Variants in ZNF737 observed in about 807,000 individuals in gnomAD.
The protein encoded by ZNF737 is zinc finger protein 737.
Under a neutral mutation model 11.7 loss-of-function variants are expected in ZNF737, and 13 were observed. The observed-to-expected ratio is 1.11, with a 90% CI of 0.73 to 1.77. The LOEUF is 1.77. Among genes scored for constraint, ZNF737 ranks in the 40% most tolerant of loss-of-function variants. ZNF737 has a pLI of 0.00. For missense variants in ZNF737, 636 were observed against 638.0 expected, an observed-to-expected ratio of 1.00 and a Z score of 0.03; for synonymous variants, 217 against 216.2, an observed-to-expected ratio of 1.00 and a Z score of -0.03.
In ZNF737 at chr19:20,552,530, C is replaced by T. The variant is rs1555758835; in HGVS notation, c.171G>A (p.Glu57=). 5 of 1,594,064 alleles carry T rather than the reference C, an allele frequency of 3.1e-6. No homozygotes were observed. The highest frequency in any genetic ancestry group is 1.7e-4 in the Middle Eastern group (1 of 5,992). The change falls in exon 3 of 4, where the codon GAG becomes GAA. Residue 57 remains glutamate, a synonymous_variant. Transcript: ENST00000427401. The stretch of plus-strand genomic sequence containing the variant: ...TCATGGTCAAAGGTTTTTTTCCTTG[C>T]TCCAGACAGGTGATGAGGTCTGGCT... ...VSKPDLITCL[E]QGKKPLTMKK... is the part of the protein sequence containing the mutation.
In ZNF737 at chr19:20,539,885, CCAGAGGCTGATCATTCACTA is replaced by C. The variant is rs1409478354; in HGVS notation, c.*4687_*4706del. ...GCCTTGTTGGTAGACTATTGGTATC[CCAGAGGCTGATCATTCACTA>C]CAGCTTACTAAATACTGTTCCATAA... On this transcript the variant is annotated 3_prime_UTR_variant, in exon 4 of 4. Coordinates refer to ENST00000427401, the MANE Select transcript of ZNF737 (RefSeq NM_001159293.2). 1.0e-6 allele frequency: 1 copy of C among 984,878 alleles called. No homozygotes were observed. Among genetic ancestry groups the C allele is most frequent in the African/African-American group, 1.8e-5 (1 of 57,098 alleles). 61.0% of individuals were successfully genotyped at this position (984,878 alleles called of 1,614,324 possible). A position where few individuals can be genotyped will look rare whatever the true frequency, so the allele number is the denominator to read the frequency against.
In ZNF737 at chr19:20,542,728, C is replaced by CT. The variant is rs776667838; in HGVS notation, c.*1863dup. On this transcript the variant is annotated 3_prime_UTR_variant, in exon 4 of 4. Coordinates refer to ENST00000427401, the MANE Select transcript of ZNF737 (RefSeq NM_001159293.2). ...CTCCACTTGTATTTTCATTATGCGT[C>CT]TTACATTTTAATGTTCTTACTATTT... 4.1e-5 allele frequency: 40 copies of CT among 984,312 alleles called. No homozygotes were observed. The highest frequency in any genetic ancestry group is 3.7e-4 in the Admixed American group (6 of 16,238). The allele number at this position is 984,312 out of a possible 1,614,324, so 61.0% of individuals were successfully genotyped here.
intron 1 of ZNF737, among the ~76,000 whole-genome samples, chr19:20,555,395 G>A (rs1281990626): frequency 6.6e-6 from 1 of 151,898 alleles, no homozygotes; most frequent in African/African-American, 2.4e-5. Context: ...TGTTAGCCAG[G>A]ATGGTCTCAA....
In ZNF737 at chr19:20,554,736, T is replaced by C. The variant is rs868946129; in HGVS notation, c.4-901A>G. Among the ~76,000 whole-genome samples the C allele has an allele frequency of 7.2e-5, 11 of 152,314 alleles. No homozygotes were observed. In the South Asian group the frequency reaches 2.3e-3, roughly 32 times the overall value. ...AACCTCAAAATACAGATAACTCCTG[T>C]GTTCTGTAATTTTTAGTAGTAATTT... On this transcript the variant is annotated intron_variant, in intron 1 of 3. Transcript: ENST00000427401.
At chr19:20,546,698 A>G (rs920702837) in intron 3 of ZNF737, among the ~76,000 whole-genome samples, 3 of 152,184 alleles carry the variant, frequency 2.0e-5, no homozygotes, top group Non-Finnish European at 2.9e-5. Context: ...TGGGCAACAT[A>G]GTGAGATCCT....
intron 3 of ZNF737, among the ~76,000 whole-genome samples, chr19:20,547,397 A>C (rs1310937155): frequency 6.6e-6 from 1 of 151,412 alleles, no homozygotes; most frequent in South Asian, 2.1e-4. Context: ...AAAAAAAAAA[A>C]AAAACACCAC....
chr19:20,554,389 A>G (rs184360379), intron 1 of ZNF737, among the ~76,000 whole-genome samples: 121 of 152,330 alleles, frequency 7.9e-4, no homozygotes, highest in African/African-American at 2.5e-3. Flanking sequence ...GTAAACAAAG[A>G]TAAGAGTCTT....
rs974934687 is a variant in ZNF737, at chr19:20,541,082, G to A, written c.*3510C>T. 3 of 985,148 alleles carry A rather than the reference G, an allele frequency of 3.0e-6. No individual in the cohort carries two copies. The highest frequency in any genetic ancestry group is 3.6e-6 in the Non-Finnish European group (3 of 829,778). The allele number at this position is 985,148 out of a possible 1,614,324, so 61.0% of individuals were successfully genotyped here. A position where few individuals can be genotyped will look rare whatever the true frequency, so the allele number is the denominator to read the frequency against. ...GCCTGTGCTTTAATAGGCAGACTCTGGGGAGAATCCGAATCACAGGCCAGA... is the reference window on the plus strand; with the variant it reads ...GCCTGTGCTTTAATAGGCAGACTCTAGGGAGAATCCGAATCACAGGCCAGA... On this transcript the variant is annotated 3_prime_UTR_variant, in exon 4 of 4. Coordinates refer to ENST00000427401, the MANE Select transcript of ZNF737 (RefSeq NM_001159293.2).
At chr19:20,551,998 A>G (rs1445302340) in intron 3 of ZNF737, among the ~76,000 whole-genome samples, 2 of 151,510 alleles carry the variant, frequency 1.3e-5, no homozygotes, top group Non-Finnish European at 2.9e-5. Flanking sequence ...AGGATATCAT[A>G]CGTATAATTT....
chr19:20,563,178 A>ATTTTTTTTTTTTTTTTTTTT (rs1969165093), intron 1 of ZNF737, among the ~76,000 whole-genome samples: 3 of 146,278 alleles, frequency 2.1e-5, no homozygotes, highest in African/African-American at 5.1e-5. Flanking sequence ...GTTTCCTTTC[A>ATTTTTTTTTTTTTTTTTTTT]TCTTAACCTC....
At chr19:20,554,773 C>T (rs1352149675) in intron 1 of ZNF737, among the ~76,000 whole-genome samples, 1 of 151,994 alleles carries the variant, frequency 6.6e-6, no homozygotes, top group East Asian at 1.9e-4. Context: ...AAATAGACTT[C>T]ATTTAGCACC....
intron 1 of ZNF737, among the ~76,000 whole-genome samples, chr19:20,555,670 C>G (rs1968863164): frequency 6.6e-6 from 1 of 152,142 alleles, no homozygotes; most frequent in Admixed American, 6.5e-5. Context: ...ACACCTTTGA[C>G]TATCGTAAGA....
rs1334243149 is a variant in ZNF737 at position 20,539,223 on chromosome 19, G to A, written c.*5369C>T. On this transcript the variant is annotated 3_prime_UTR_variant, in exon 4 of 4. Coordinates refer to ENST00000427401, the MANE Select transcript of ZNF737 (RefSeq NM_001159293.2). ...AAGAATCACTTGAACCAGGGAGGTG[G>A]AGGTTGCAGTGAGCTGAGCACGTAC... The A allele has an allele frequency of 1.3e-6, 1 of 788,790 alleles. No individual in the cohort carries two copies. Among genetic ancestry groups the A allele is most frequent in the Non-Finnish European group, 1.5e-6 (1 of 650,664 alleles). 48.9% of individuals were successfully genotyped at this position (788,790 alleles called of 1,614,324 possible). A position where few individuals can be genotyped will look rare whatever the true frequency, so the allele number is the denominator to read the frequency against.
intron 3 of ZNF737, among the ~76,000 whole-genome samples, chr19:20,551,429 C>CAAAAAAAA (rs59406979): frequency 2.0e-4 from 20 of 102,234 alleles, no homozygotes; most frequent in African/African-American, 2.3e-4. Flanking sequence ...AACCCCATCT[C>CAAAAAAAA]AAAAAAAAAA....
chr19:20,545,189 C>A lies in ZNF737; in HGVS notation c.1014G>T (p.Glu338Asp), dbSNP rs782656519. The A allele has an allele frequency of 8.1e-6, 13 of 1,613,858 alleles. No individual in the cohort carries two copies. The East Asian group carries it at 2.9e-4, about 36-fold the overall frequency. ...CACATTCTTCACATTTGTAGGGTTT[C>A]TCTCCAGTATGAATTCTTTTATGTG... is the stretch of plus-strand genomic sequence containing the variant. ...LTTHKRIHTGEKPYKCEECGR... is the reference protein window; with the variant it reads ...LTTHKRIHTGDKPYKCEECGR... The change falls in exon 4 of 4, where the codon GAG becomes GAT. Residue 338 changes from glutamate (E) to aspartate (D), a missense_variant. Glu to Asp is a conservative substitution (Grantham distance 45). Transcript: ENST00000427401.
At chr19:20,556,463 C>T (rs966823368) in intron 1 of ZNF737, among the ~76,000 whole-genome samples, 6 of 152,314 alleles carry the variant, frequency 3.9e-5, no homozygotes, top group South Asian at 2.1e-4. Flanking sequence ...CAAGCTTTAA[C>T]GAGCTTATAA....
Position 20,539,226 on chromosome 19 carries a change from G to A in ZNF737, c.*5366C>T. On this transcript the variant is annotated 3_prime_UTR_variant, in exon 4 of 4. Transcript: ENST00000427401. ...AATCACTTGAACCAGGGAGGTGGAG[G>A]TTGCAGTGAGCTGAGCACGTACCAT... 1.2e-6 allele frequency: 1 copy of A among 811,466 alleles called. No homozygotes were observed. The highest frequency in any genetic ancestry group is 1.5e-6 in the Non-Finnish European group (1 of 671,354). The allele number at this position is 811,466 out of a possible 1,614,324, so 50.3% of individuals were successfully genotyped here. A position where few individuals can be genotyped will look rare whatever the true frequency, so the allele number is the denominator to read the frequency against.
Position 20,538,572 on chromosome 19 carries a change from G to A in ZNF737, c.*6020C>T, listed in dbSNP as rs937651110. 1.1e-6 allele frequency: 1 copy of A among 899,072 alleles called. No homozygotes were observed. The highest frequency in any genetic ancestry group is 1.8e-5 in the African/African-American group (1 of 55,428). The allele number at this position is 899,072 out of a possible 1,614,324, so 55.7% of individuals were successfully genotyped here. A position where few individuals can be genotyped will look rare whatever the true frequency, so the allele number is the denominator to read the frequency against. On this transcript the variant is annotated 3_prime_UTR_variant, in exon 4 of 4. Transcript: ENST00000427401. ...CTGCTTTCTGCAAAAAGTAAAAATG[G>A]CCTTGCTAAGAAAAATTAAATTTAT... is the stretch of plus-strand genomic sequence containing the variant.
At chr19:20,548,003 G>C (rs1371099408) in intron 3 of ZNF737, among the ~76,000 whole-genome samples, 3 of 152,068 alleles carry the variant, frequency 2.0e-5, no homozygotes, top group African/African-American at 2.4e-5. Flanking sequence ...TTAGCTTGGC[G>C]ATGTGACGTG....
Sources: allele counts gnomAD v4.1 joint callset (sites outside exome capture counted in the v4.1 genomes callset), GRCh38; gene constraint gnomAD v4.1.1; transcripts MANE v1.5; gene names NCBI Gene and HGNC (gene_info 2026-07-23, HGNC 2026-07-21).